Variants in FGD6 observed in about 807,000 individuals in gnomAD.
FGD6 encodes the protein FYVE, RhoGEF and PH domain containing 6.
FGD6 carries 90 observed loss-of-function variants against 149.4 expected under a neutral mutation model. That is an observed-to-expected ratio of 0.60 (90% confidence interval 0.51 to 0.72). The LOEUF (loss-of-function observed/expected upper bound fraction) is 0.72. Among genes scored for constraint, FGD6 ranks in the 30% least tolerant of loss-of-function variants. FGD6 has a pLI of 0.00. For synonymous variants in FGD6, 527 were observed against 584.0 expected (o/e 0.90, Z 1.41); for missense variants, 1,437 against 1,684.8 (o/e 0.85, Z 2.57).
intron 8 of FGD6, among the ~76,000 whole-genome samples, chr12:95,118,433 T>C (rs1879089122): frequency 6.6e-6 from 1 of 151,944 alleles, no homozygotes; most frequent in Admixed American, 6.6e-5. Context: ...GTTTTCTGTA[T>C]AAGGGTTCCC....
intron 3 of FGD6, among the ~76,000 whole-genome samples, chr12:95,163,388 C>T (rs543277623): frequency 1.7e-4 from 26 of 152,118 alleles, no homozygotes; most frequent in Non-Finnish European, 3.5e-4. Context: ...ACATTCTTTC[C>T]CTCCTACTAT....
At chr12:95,149,271 TAC>T (rs1217112592) in intron 5 of FGD6, among the ~76,000 whole-genome samples, 2 of 6,822 alleles carry the variant, frequency 2.9e-4, no homozygotes, top group African/African-American at 1.9e-3. Flanking sequence ...TATATTATAT[TAC>T]ATATAGCATA....
At chr12:95,176,652 G>A (rs552109334) in intron 2 of FGD6, among the ~76,000 whole-genome samples, 94 of 152,274 alleles carry the variant, frequency 6.2e-4, no homozygotes, top group African/African-American at 2.1e-3. Context: ...CACATCTGAA[G>A]TGAAGACTAC....
At chr12:95,121,464 G>GACATAT (rs1879183599) in intron 8 of FGD6, among the ~76,000 whole-genome samples, 1 of 71,334 alleles carries the variant, frequency 1.4e-5, no homozygotes, top group African/African-American at 7.0e-5. Context: ...AAAAAAAAAA[G>GACATAT]ATATATATAT....
chr12:95,167,589 T>A (rs1316943376), intron 3 of FGD6, among the ~76,000 whole-genome samples: 1 of 151,374 alleles, frequency 6.6e-6, no homozygotes, highest in Non-Finnish European at 1.5e-5. Flanking sequence ...TTTTTTTTTT[T>A]TTTGAGATGG....
chr12:95,114,983 C>T (rs1234971626), intron 8 of FGD6, among the ~76,000 whole-genome samples: 1 of 152,170 alleles, frequency 6.6e-6, no homozygotes, highest in Admixed American at 6.5e-5. Context: ...CTCTGTCTCG[C>T]TTATACAAAT....
chr12:95,115,621 G>C (rs1020774969), intron 8 of FGD6, among the ~76,000 whole-genome samples: 1 of 152,128 alleles, frequency 6.6e-6, no homozygotes, highest in Non-Finnish European at 1.5e-5. Context: ...ATGCCAGTGG[G>C]AACTGAGGAA....
intron 2 of FGD6, among the ~76,000 whole-genome samples, chr12:95,195,954 T>C (rs907780301): frequency 1.3e-5 from 2 of 151,884 alleles, no homozygotes; most frequent in African/African-American, 2.4e-5. Flanking sequence ...AAACCCCGTT[T>C]CTACTAAATA....
At chr12:95,090,896 G>A (rs1020501573) in intron 17 of FGD6, among the ~76,000 whole-genome samples, 5 of 152,070 alleles carry the variant, frequency 3.3e-5, no homozygotes, top group African/African-American at 4.8e-5. Context: ...TCAGGGGTTC[G>A]AGACCAGCTT....
At chr12:95,163,337 T>C (rs1880701244) in intron 3 of FGD6, among the ~76,000 whole-genome samples, 1 of 152,194 alleles carries the variant, frequency 6.6e-6, no homozygotes, top group South Asian at 2.1e-4. Context: ...AAACGTCCTT[T>C]AAGACAACAC....
intron 3 of FGD6, among the ~76,000 whole-genome samples, chr12:95,170,888 AAG>A (rs1880970548): frequency 6.6e-6 from 1 of 152,214 alleles, no homozygotes; most frequent in South Asian, 2.1e-4. Flanking sequence ...GGTCTTTAAG[AAG>A]AGAGTCACTC....
chr12:95,142,164 T>C (rs1879868924), intron 5 of FGD6, among the ~76,000 whole-genome samples: 1 of 147,524 alleles, frequency 6.8e-6, no homozygotes, highest in East Asian at 2.0e-4. Flanking sequence ...TTTTTTGAGA[T>C]GGAGTCTCGC....
In FGD6 at chr12:95,210,354, T is replaced by C. The variant is rs780264854; in HGVS notation, c.930A>G (p.Pro310=). 1.9e-6 allele frequency: 3 copies of C among 1,613,782 alleles called. No individual in the cohort carries two copies. Among genetic ancestry groups the C allele is most frequent in the South Asian group, 2.2e-5 (2 of 90,942 alleles). Residue 310 remains proline (P), a synonymous_variant, in exon 2 of 21, where the codon CCA becomes CCG. Coordinates refer to ENST00000343958, the MANE Select transcript of FGD6 (RefSeq NM_018351.4). The part of the protein sequence containing the change: ...PLEIHLVPYT[P]KFPTPKPRKT... ...TTCTGGGCTTGGGAGTTGGAAATTT[T>C]GGGGTATATGGTACTAAATGAATTT...
intron 2 of FGD6, among the ~76,000 whole-genome samples, chr12:95,186,150 T>G (rs1240898173): frequency 2.0e-5 from 3 of 150,574 alleles, no homozygotes; most frequent in Non-Finnish European, 4.4e-5. Context: ...ATACATAGTA[T>G]AGTATGATTA....
chr12:95,164,305 G>C (rs747667374), intron 3 of FGD6, among the ~76,000 whole-genome samples: 1 of 149,894 alleles, frequency 6.7e-6, no homozygotes, highest in African/African-American at 2.5e-5. Flanking sequence ...GCAGTGGCAC[G>C]ATCTCGGCTC....
chr12:95,144,528 G>C (rs1565907185), intron 5 of FGD6, among the ~76,000 whole-genome samples: 1 of 151,956 alleles, frequency 6.6e-6, no homozygotes. Context: ...GAGTAGCTGG[G>C]ATTACAGGCA....
chr12:95,192,116 A>G (rs1881606574), intron 2 of FGD6, among the ~76,000 whole-genome samples: 1 of 152,246 alleles, frequency 6.6e-6, no homozygotes, highest in Non-Finnish European at 1.5e-5. Flanking sequence ...TTTAGGGAAT[A>G]ATGACAAGAA....
At chr12:95,181,900 C>G (rs1329324120) in intron 2 of FGD6, among the ~76,000 whole-genome samples, 1 of 150,540 alleles carries the variant, frequency 6.6e-6, no homozygotes, top group South Asian at 2.1e-4. Flanking sequence ...GCTGAGATCA[C>G]GCCACTGCAC....
intron 3 of FGD6, among the ~76,000 whole-genome samples, chr12:95,158,282 C>T (rs1298594512): frequency 6.6e-6 from 1 of 151,006 alleles, no homozygotes; most frequent in African/African-American, 2.4e-5. Flanking sequence ...ATTCTCCTGC[C>T]TCAGCCTCCT....
Sources: gnomAD v4.1 joint callset for allele counts (sites outside exome capture counted in the v4.1 genomes callset) on GRCh38, gnomAD v4.1.1 for gene constraint, MANE v1.5 for transcripts, NCBI Gene and HGNC (gene_info 2026-07-23, HGNC 2026-07-21) for gene names.